CHTF18: variants seen among roughly 807,000 people sequenced by gnomAD.
CHTF18 encodes the protein chromosome transmission fidelity factor 18, also known as chromosome transmission fidelity protein 18 homolog.
In CHTF18, 151 loss-of-function variants were observed where a neutral mutation model predicts 113.4. The observed-to-expected ratio is 1.33, with a 90% CI of 1.17 to 1.52. The LOEUF (loss-of-function observed/expected upper bound fraction) is 1.52. CHTF18 is among the 40% of genes most tolerant of loss of function. The probability of loss-of-function intolerance (pLI) is 0.00; values close to 1 mark genes in which losing one functional copy is unlikely to be tolerated. For missense variants in CHTF18, 1,982 were observed against 1,381.6 expected, an observed-to-expected ratio of 1.43 and a Z score of -6.89; for synonymous variants, 916 against 598.8, an observed-to-expected ratio of 1.53 and a Z score of -7.74.
In CHTF18 at chr16:790,611, G is replaced by A; in HGVS notation, c.839G>A (p.Cys280Tyr). The A allele has an allele frequency of 6.3e-7, 1 of 1,594,412 alleles. No individual in the cohort carries two copies. The highest frequency in any genetic ancestry group is 2.3e-5 in the East Asian group (1 of 44,124). The change falls in exon 7 of 22, where the codon TGC becomes TAC. Residue 280 changes from cysteine to tyrosine, a missense_variant. Transcript: ENST00000262315. Reference protein sequence around the residue: ...PTDGQDASSHCLWVDEFAPRH... With the variant: ...PTDGQDASSHYLWVDEFAPRH... The stretch of plus-strand genomic sequence containing the variant: ...GACGGTCAAGACGCCTCCAGTCACT[G>A]CCTCTGGGTGGATGAGTTTGCACCC...
rs140200915 is a variant in CHTF18 at position 792,605 on chromosome 16, G to A, written c.1478+15G>A. On this transcript the variant is annotated intron_variant, in intron 11 of 21. Transcript: ENST00000262315. ...TGCAATGACCAGTGAGTGCATGGGC[G>A]GGCGCCACAGTCAGGAGAGGCTCTG... 18,841 of 1,592,564 alleles carry A rather than the reference G, an allele frequency of 0.012. 143 individuals are homozygous for A. Among genetic ancestry groups the A allele is most frequent in the Middle Eastern group, 0.021 (124 of 5,970 alleles).
chr16:789,450 TG>T, intron 3 of CHTF18, 90 bp downstream of exon 3: 1 of 1,531,828 alleles, frequency 6.5e-7, no homozygotes. Context: ...GCCTGGGGGG[TG>T]GGGAGGGTTC....
In CHTF18 at chr16:795,942, C is replaced by T. The variant is rs754896623; in HGVS notation, c.2326-5C>T. ...GCTCCCTGTCTGCTGCCTCCCATCC[C>T]CTAGGTGAGCACACAGCTGTACAGC... is the stretch of plus-strand genomic sequence containing the variant. On this transcript the variant is annotated splice_polypyrimidine_tract_variant and splice_region_variant and intron_variant, in intron 17 of 21. Transcript: ENST00000262315. 17 of 1,609,974 alleles carry T rather than the reference C, an allele frequency of 1.1e-5. No homozygotes were observed. The highest frequency in any genetic ancestry group is 2.2e-5 in the South Asian group (2 of 90,458).
In CHTF18 at chr16:791,219, A is replaced by T. The variant is rs1158025530; in HGVS notation, c.953A>T (p.His318Leu). ...LKLWDLVVFG[H>L]ERPSRKPRPS... ...TTGTGGGACCTGGTGGTGTTTGGCC[A>T]CGAGAGGCCTTCCCGGAAGCCCAGG... is the stretch of plus-strand genomic sequence containing the variant. Residue 318 changes from histidine (H) to leucine (L), a missense_variant, in exon 8 of 22, where the codon CAC becomes CTC. By Grantham distance (99) the His-to-Leu change is moderately conservative. Transcript: ENST00000262315. 2 of 1,611,462 alleles carry T rather than the reference A, an allele frequency of 1.2e-6. No homozygotes were observed. Among genetic ancestry groups the T allele is most frequent in the Non-Finnish European group, 1.7e-6 (2 of 1,179,512 alleles).
In CHTF18 at chr16:791,943, C is replaced by T. The variant is rs192247068; in HGVS notation, c.1197C>T (p.Asn399=). The T allele has an allele frequency of 9.8e-5, 158 of 1,607,222 alleles. No homozygotes were observed. Among genetic ancestry groups the T allele is most frequent in the African/African-American group, 5.6e-4 (42 of 74,994 alleles). ...RHAGYSVVEM[N]ASDDRSPEVF... ...CGGGGTACTCTGTGGTGGAGATGAACGCCAGGTGAGTGATGTGAGGTCCGT... is the reference window on the plus strand; with the variant it reads ...CGGGGTACTCTGTGGTGGAGATGAATGCCAGGTGAGTGATGTGAGGTCCGT... Residue 399 remains asparagine, a synonymous_variant, in exon 9 of 22, where the codon AAC becomes AAT. Transcript: ENST00000262315.
At chr16:797,194 CAGGGTACCTTTGTGGGTGTGGCT>C (rs2151651322) in intron 20 of CHTF18, 102 bp downstream of exon 20, 2 of 1,359,090 alleles carry the variant, frequency 1.5e-6, no homozygotes, top group East Asian at 5.1e-5. Flanking sequence ...GGGGTGGGGC[CAGGGTACCTTTGTGGGTGTGGCT>C]AGGGCCCCTC....
At position 792,727 on chromosome 16, in the gene CHTF18, G is replaced by T; in HGVS notation, c.1488G>T (p.Pro496=). 1 of 1,560,264 alleles carries T rather than the reference G, an allele frequency of 6.4e-7. No homozygotes were observed. The part of the protein sequence containing the change: ...IICICNDQFA[P]SLRQLKQQAF... ...TGCCGCCTCTCCTCAGGTTCGCACC[G>T]TCCCTGCGGCAGCTGAAGCAGCAGG... Residue 496 remains proline (P), a synonymous_variant, in exon 12 of 22, where the codon CCG becomes CCT. Coordinates refer to ENST00000262315, the MANE Select transcript of CHTF18 (RefSeq NM_022092.3).
rs1341296060 is a variant in CHTF18, at chr16:798,057, C to T, written c.*82C>T. The T allele has an allele frequency of 2.2e-5, 34 of 1,512,480 alleles. No individual in the cohort carries two copies. Among genetic ancestry groups the T allele is most frequent in the South Asian group, 6.2e-5 (5 of 80,118 alleles). The allele number at this position is 1,512,480 out of a possible 1,614,324, so 93.7% of individuals were successfully genotyped here. A position where few individuals can be genotyped will look rare whatever the true frequency, so the allele number is the denominator to read the frequency against. ...AGCTGGAGATGTCTTTATAAAGTCA[C>T]ACCTTTACAGACTGTAATCACGTGC... On this transcript the variant is annotated 3_prime_UTR_variant, in exon 22 of 22. Coordinates refer to ENST00000262315, the MANE Select transcript of CHTF18 (RefSeq NM_022092.3).
At chr16:794,475 G>A (rs531379118) in intron 15 of CHTF18, among the ~76,000 whole-genome samples, 40 of 152,266 alleles carry the variant, frequency 2.6e-4, no homozygotes, top group East Asian at 1.9e-4. Flanking sequence ...GACTCTCAGC[G>A]GGTTGGGGTG....
At position 795,175 on chromosome 16, in the gene CHTF18, G is replaced by A. The variant is rs1013352954; in HGVS notation, c.1994G>A (p.Ser665Asn). 7 of 1,557,804 alleles carry A rather than the reference G, an allele frequency of 4.5e-6. No homozygotes were observed. The highest frequency in any genetic ancestry group is 6.1e-6 in the Non-Finnish European group (7 of 1,151,046). ...CTGCGTCTGCGGCTGCGAGACTCCA[G>A]CCTGGGTGCTGTGTGTGTGGCCCTC... ...NFLRLRLRDS[S>N]LGAVCVALDW... Residue 665 changes from serine to asparagine, a missense_variant, in exon 16 of 22, where the codon AGC (serine) becomes AAC (asparagine). Physicochemically the swap from Ser to Asn is conservative, Grantham distance 46. Transcript: ENST00000262315.
intron 5 of CHTF18, 36 bp from the exon 6 acceptor site, chr16:790,311 C>G (rs761169566): frequency 4.3e-6 from 7 of 1,610,936 alleles, no homozygotes; most frequent in Non-Finnish European, 2.5e-6. Context: ...GCGGGGCCGC[C>G]TGAGCCCTCC....
intron 9 of CHTF18, 119 bp downstream of exon 9, chr16:792,067 T>C (rs1053841648): frequency 6.5e-7 from 1 of 1,536,800 alleles, no homozygotes; most frequent in Non-Finnish European, 8.8e-7. Flanking sequence ...GGCCTGGGTG[T>C]GTGGGCCGGG....
rs369594253 is a variant in CHTF18 at position 790,602 on chromosome 16, C to G, written c.830C>G (p.Ser277Cys). Residue 277 changes from serine (S) to cysteine (C), a missense_variant, in exon 7 of 22, where the codon TCC (serine) becomes TGC (cysteine). Physicochemically the swap from Ser to Cys is moderately radical, Grantham distance 112. Transcript: ENST00000262315. ...GAGCCGACTGACGGTCAAGACGCCT[C>G]CAGTCACTGCCTCTGGGTGGATGAG... ...EEEPTDGQDASSHCLWVDEFA... is the reference protein window; with the variant it reads ...EEEPTDGQDACSHCLWVDEFA... 5.1e-5 allele frequency: 81 copies of G among 1,596,376 alleles called. No individual in the cohort carries two copies. The highest frequency in any genetic ancestry group is 6.7e-5 in the Non-Finnish European group (79 of 1,172,934).
intron 9 of CHTF18, 77 bp downstream of exon 9, chr16:792,025 G>T: frequency 1.3e-6 from 2 of 1,551,808 alleles, no homozygotes; most frequent in South Asian, 1.2e-5. Flanking sequence ...CCTGAAACCG[G>T]GTGTGGATGT....
chr16:789,846 G>A (rs1048528709), intron 4 of CHTF18, 131 bp downstream of exon 4: 5 of 1,326,978 alleles, frequency 3.8e-6, no homozygotes, highest in Non-Finnish European at 4.1e-6. Flanking sequence ...AGAGGGGGAG[G>A]CTGCGTCATG....
chr16:796,238 G>A (rs976369159), intron 18 of CHTF18, among the ~76,000 whole-genome samples, 161 bp downstream of exon 18: 1 of 152,186 alleles, frequency 6.6e-6, no homozygotes, highest in African/African-American at 2.4e-5. Flanking sequence ...GTGAAGGGGG[G>A]TCACTTCCAG....
Position 790,562 on chromosome 16 carries a change from G to A in CHTF18, c.790G>A (p.Gly264Arg). 1 of 1,597,570 alleles carries A rather than the reference G, an allele frequency of 6.3e-7. No individual in the cohort carries two copies. Among genetic ancestry groups the A allele is most frequent in the South Asian group, 1.1e-5 (1 of 88,526 alleles). The change falls in exon 7 of 22, where the codon GGG becomes AGG. Residue 264 changes from glycine (G) to arginine (R), a missense_variant. Transcript: ENST00000262315. ...SGEEEAAQPL[G>R]APEEEPTDGQ... ...GGAGGAGGAGGCAGCCCAGCCCTTG[G>A]GGGCCCCTGAGGAGGAGCCGACTGA...
At chr16:793,388 C>T (rs948124227) in intron 14 of CHTF18, 114 bp downstream of exon 14, 9 of 1,379,048 alleles carry the variant, frequency 6.5e-6, no homozygotes, top group Non-Finnish European at 7.8e-6. Context: ...GTCCTGAGCC[C>T]GCGGTTGCCT....
intron 7 of CHTF18, chr16:790,909 C>A: frequency 1.4e-6 from 2 of 1,433,012 alleles, no homozygotes; most frequent in Non-Finnish European, 1.8e-6. Context: ...GTTCCCTTTC[C>A]TACCTTCACA....
Sources: gnomAD v4.1 joint callset for allele counts (sites outside exome capture counted in the v4.1 genomes callset) on GRCh38, gnomAD v4.1.1 for gene constraint, MANE v1.5 for transcripts, NCBI Gene and HGNC (gene_info 2026-07-23, HGNC 2026-07-21) for gene names.